Variants in SLC25A21 observed in about 807,000 individuals in gnomAD.
The protein encoded by SLC25A21 is mitochondrial 2-oxodicarboxylate carrier.
Under a neutral mutation model 43.8 loss-of-function variants are expected in SLC25A21, and 47 were observed. The observed-to-expected ratio is 1.07, with a 90% CI of 0.85 to 1.37. SLC25A21 has a LOEUF of 1.37. Among genes scored for constraint, SLC25A21 ranks in the 40% most tolerant of loss-of-function variants. The pLI is 0.00. For synonymous variants in SLC25A21, 131 were observed against 121.3 expected, an observed-to-expected ratio of 1.08 and a Z score of -0.52; for missense variants, 352 against 350.2, an observed-to-expected ratio of 1.00 and a Z score of -0.04.
chr14:36,810,119 A>C (rs1888184706), intron 3 of SLC25A21, among the ~76,000 whole-genome samples: 1 of 152,188 alleles, frequency 6.6e-6, no homozygotes, highest in South Asian at 2.1e-4. Context: ...TTCCATCTCT[A>C]AGACTAGAGC....
chr14:37,046,177 G>C (rs988117042), intron 1 of SLC25A21, among the ~76,000 whole-genome samples: 2 of 151,964 alleles, frequency 1.3e-5, no homozygotes, highest in Non-Finnish European at 2.9e-5. Context: ...CTGCCTCAAG[G>C]GTTCTTGCTC....
intron 1 of SLC25A21, among the ~76,000 whole-genome samples, chr14:36,939,736 G>A (rs896565056): frequency 4.9e-4 from 75 of 152,024 alleles, no homozygotes; most frequent in African/African-American, 1.7e-3. Context: ...TTCTACTTAC[G>A]TTTTATTAAG....
intron 1 of SLC25A21, among the ~76,000 whole-genome samples, chr14:37,149,139 ACT>A (rs981950712): frequency 4.0e-5 from 6 of 149,528 alleles, no homozygotes; most frequent in Non-Finnish European, 7.4e-5. Context: ...CATTATCACC[ACT>A]GTTTTTTTTT....
chr14:37,164,446 T>C (rs1489595785), intron 1 of SLC25A21, among the ~76,000 whole-genome samples: 1 of 152,180 alleles, frequency 6.6e-6, no homozygotes, highest in Non-Finnish European at 1.5e-5. Context: ...CTGCTATTTA[T>C]TATCAAACAA....
chr14:36,852,702 T>C (rs1176585835), intron 2 of SLC25A21, among the ~76,000 whole-genome samples: 3 of 152,142 alleles, frequency 2.0e-5, no homozygotes, highest in African/African-American at 7.2e-5. Flanking sequence ...TAGAGCTTGG[T>C]CATGGTATTC....
At chr14:36,831,808 C>A (rs1889049981) in intron 2 of SLC25A21, among the ~76,000 whole-genome samples, 1 of 152,146 alleles carries the variant, frequency 6.6e-6, no homozygotes, top group African/African-American at 2.4e-5. Context: ...GCCTACAAAT[C>A]TAGCAAACTG....
At chr14:37,131,189 T>G (rs974162090) in intron 1 of SLC25A21, among the ~76,000 whole-genome samples, 1 of 152,224 alleles carries the variant, frequency 6.6e-6, no homozygotes, top group Non-Finnish European at 1.5e-5. Context: ...GGAAGTTAAA[T>G]GCCGGACTCC....
intron 1 of SLC25A21, among the ~76,000 whole-genome samples, chr14:37,151,968 G>T (rs1418362067): frequency 6.6e-6 from 1 of 152,058 alleles, no homozygotes; most frequent in Admixed American, 6.6e-5. Context: ...CCAGGAGAAG[G>T]GGTTTGCAGT....
chr14:36,873,008 C>G (rs1397331528), intron 2 of SLC25A21, among the ~76,000 whole-genome samples: 1 of 152,154 alleles, frequency 6.6e-6, no homozygotes, highest in Non-Finnish European at 1.5e-5. Context: ...AATGAGTGAC[C>G]ATAATTCTAA....
At chr14:36,904,762 C>T (rs1398171783) in intron 1 of SLC25A21, among the ~76,000 whole-genome samples, 1 of 152,114 alleles carries the variant, frequency 6.6e-6, no homozygotes, top group East Asian at 1.9e-4. Flanking sequence ...TGGGAACTCA[C>T]TTACTATCAC....
Position 36,730,790 on chromosome 14 carries a change from A to G in SLC25A21, c.271-1224T>C, listed in dbSNP as rs545758520. Among the ~76,000 whole-genome samples, 7 of 152,276 alleles carry G rather than the reference A, an allele frequency of 4.6e-5. No individual in the cohort carries two copies. In the South Asian group the frequency reaches 1.2e-3, roughly 27 times the overall value. On this transcript the variant is annotated intron_variant, in intron 4 of 9. Transcript: ENST00000331299. ...TCCTATTCTAGGTACTGGGGATGCA[A>G]CAGTAAACAAAGAGAAACCTCTGCC...
At chr14:36,930,232 A>G (rs1668797509) in intron 1 of SLC25A21, among the ~76,000 whole-genome samples, 5 of 152,194 alleles carry the variant, frequency 3.3e-5, no homozygotes, top group Admixed American at 2.6e-4. Context: ...ATAAGCCACC[A>G]AGTTTTGGCT....
chr14:36,678,117 G>T lies in SLC25A21; in HGVS notation c.*2541C>A. The T allele has an allele frequency of 4.6e-6, 1 of 215,472 alleles. No homozygotes were observed. Among genetic ancestry groups the T allele is most frequent in the Non-Finnish European group, 9.2e-6 (1 of 108,600 alleles). 13.3% of individuals were successfully genotyped at this position (215,472 alleles called of 1,614,324 possible). A position where few individuals can be genotyped will look rare whatever the true frequency, so the allele number is the denominator to read the frequency against. On this transcript the variant is annotated 3_prime_UTR_variant, in exon 10 of 10. Coordinates refer to ENST00000331299, the MANE Select transcript of SLC25A21 (RefSeq NM_030631.4). ...ATGGATGTTGAAGATGGATTCCCTA[G>T]GTGATTTTAATTTCTTCCGGTCTGT...
At chr14:37,073,054 T>C (rs528539802) in intron 1 of SLC25A21, among the ~76,000 whole-genome samples, 17 of 152,354 alleles carry the variant, frequency 1.1e-4, no homozygotes, top group African/African-American at 4.1e-4. Context: ...ATATTGACTA[T>C]TTAAGTTAAG....
intron 1 of SLC25A21, among the ~76,000 whole-genome samples, chr14:37,025,042 G>A (rs1347319222): frequency 6.6e-6 from 1 of 151,966 alleles, no homozygotes; most frequent in South Asian, 2.1e-4. Flanking sequence ...GCTTCAAAGT[G>A]GGGGACAAGT....
At chr14:37,141,107 C>A (rs57011324) in intron 1 of SLC25A21, among the ~76,000 whole-genome samples, 1 of 151,744 alleles carries the variant, frequency 6.6e-6, no homozygotes, top group South Asian at 2.1e-4. Context: ...ATCACGCCAC[C>A]GCACTCCAGC....
chr14:37,039,145 C>G (rs1445496315), intron 1 of SLC25A21, among the ~76,000 whole-genome samples: 1 of 152,142 alleles, frequency 6.6e-6, no homozygotes, highest in Non-Finnish European at 1.5e-5. Flanking sequence ...TGTCAGACAA[C>G]CCTGTTGTTA....
At chr14:36,999,163 T>C (rs922631043) in intron 1 of SLC25A21, among the ~76,000 whole-genome samples, 2 of 152,130 alleles carry the variant, frequency 1.3e-5, no homozygotes, top group Non-Finnish European at 2.9e-5. Flanking sequence ...ATACATAAAC[T>C]GTGGTACATA....
At chr14:37,079,913 G>A (rs1962352563) in intron 1 of SLC25A21, among the ~76,000 whole-genome samples, 2 of 152,132 alleles carry the variant, frequency 1.3e-5, no homozygotes, top group African/African-American at 4.8e-5. Context: ...AGCTCACAAG[G>A]GTGGAGCCTC....
Sources: gnomAD v4.1 joint callset for allele counts (sites outside exome capture counted in the v4.1 genomes callset) on GRCh38, gnomAD v4.1.1 for gene constraint, MANE v1.5 for transcripts, NCBI Gene and HGNC (gene_info 2026-07-23, HGNC 2026-07-21) for gene names.